F5: variants seen among roughly 807,000 people sequenced by gnomAD.
The protein encoded by F5 is coagulation factor V, also known as activated protein c cofactor.
In F5, 138 loss-of-function variants were observed where a neutral mutation model predicts 216.4. The ratio of observed to expected loss-of-function variants is 0.64; its 90% CI spans 0.56 to 0.73. The LOEUF (loss-of-function observed/expected upper bound fraction) is 0.73, where lower values mean the gene tolerates loss of function less well. F5 is among the 30% of genes least tolerant of loss of function. F5 has a pLI of 0.00. For synonymous variants in F5, 916 were observed against 930.7 expected, an observed-to-expected ratio of 0.98 and a Z score of 0.29; for missense variants, 2,403 against 2,674.0, an observed-to-expected ratio of 0.90 and a Z score of 2.24.
chr1:169,572,304 A>T lies in F5; in HGVS notation c.290T>A (p.Ile97Asn), dbSNP rs144675474. The change falls in exon 3 of 25, where the codon ATC (isoleucine) becomes AAC (asparagine). Residue 97 changes from isoleucine (I) to asparagine (N), a missense_variant. Physicochemically the swap from Ile to Asn is moderately radical, Grantham distance 149 (BLOSUM62 -3). Around this residue, in one of 4 missense-constraint regions of F5, gnomAD observed 1,425 missense variants for 1,554.8 expected, o/e 0.92. Transcript: ENST00000367797. ...GPTLYAEVGD[I>N]IKVHFKNKAD... Reference sequence around the variant, plus strand: ...CTTATTTTTAAAGTGAACTTTTATGATGTCTCCGACTTCAGCATATAAAGT... The same window carrying T: ...CTTATTTTTAAAGTGAACTTTTATGTTGTCTCCGACTTCAGCATATAAAGT... 8.7e-6 allele frequency: 14 copies of T among 1,613,170 alleles called. No homozygotes were observed. The highest frequency in any genetic ancestry group is 1.3e-5 in the African/African-American group (1 of 74,858).
In F5 at chr1:169,579,055, G is replaced by A. The variant is rs1376944935; in HGVS notation, c.250+3376C>T. On this transcript the variant is annotated intron_variant, in intron 2 of 24. Coordinates refer to ENST00000367797, the MANE Select transcript of F5 (RefSeq NM_000130.5). ...CTCCTCAGTACCCACCCCCACCCCC[G>A]AAACTACCCTGTCTCTCCTCCCATC... 1.0e-4 allele frequency among the ~76,000 whole-genome samples: 6 copies of A among 57,452 alleles called. No homozygotes were observed. The East Asian group carries it at 1.5e-3, about 14-fold the overall frequency. 37.7% of individuals were successfully genotyped at this position (57,452 alleles called of 152,430 possible).
chr1:169,546,833 A>G (rs901725472), intron 10 of F5, among the ~76,000 whole-genome samples: 10 of 152,128 alleles, frequency 6.6e-5, no homozygotes, highest in Non-Finnish European at 2.9e-5. Context: ...AAGATGGATT[A>G]AAGACTTAAA....
rs114280230 is a variant in F5 at position 169,524,495 on chromosome 1, A to G, written c.5788+342T>C. Among the ~76,000 whole-genome samples the G allele has an allele frequency of 2.0e-3, 300 of 152,324 alleles. 1 individual carries two copies. Among genetic ancestry groups the G allele is most frequent in the African/African-American group, 6.5e-3 (271 of 41,572 alleles). On this transcript the variant is annotated intron_variant, in intron 19 of 24. Transcript: ENST00000367797. Reference sequence around the variant, plus strand: ...GGGCGCGTGGTCATAAGAGTAAGGTATCTGATCCTTGCCAAATCCCTGCAG... The same window carrying G: ...GGGCGCGTGGTCATAAGAGTAAGGTGTCTGATCCTTGCCAAATCCCTGCAG...
intron 2 of F5, among the ~76,000 whole-genome samples, chr1:169,576,975 A>G (rs986779233): frequency 1.3e-5 from 2 of 152,202 alleles, no homozygotes; most frequent in Non-Finnish European, 2.9e-5. Flanking sequence ...TTAAGGCAAA[A>G]CAAAAGGATG....
chr1:169,577,097 A>G (rs1375992266), intron 2 of F5, among the ~76,000 whole-genome samples: 3 of 152,100 alleles, frequency 2.0e-5, no homozygotes, highest in Non-Finnish European at 4.4e-5. Flanking sequence ...AAACCCTTCT[A>G]ACCCTCTCCT....
At position 169,540,395 on chromosome 1, in the gene F5, G is replaced by A. The variant is rs761587875; in HGVS notation, c.4695C>T (p.Asp1565=). Residue 1565 remains aspartate (D), a synonymous_variant, in exon 13 of 25, where the codon GAC becomes GAT. Coordinates refer to ENST00000367797, the MANE Select transcript of F5 (RefSeq NM_000130.5). The part of the protein sequence containing the change: ...RTNINSSRDP[D]NIAAWYLRSN... Reference sequence around the variant, plus strand: ...TGCGGAGGTACCATGCTGCAATGTTGTCAGGATCTCTGGAGGAGTTGATGT... The same window carrying A: ...TGCGGAGGTACCATGCTGCAATGTTATCAGGATCTCTGGAGGAGTTGATGT... 6.2e-7 allele frequency: 1 copy of A among 1,614,012 alleles called. No homozygotes were observed. The highest frequency in any genetic ancestry group is 8.5e-7 in the Non-Finnish European group (1 of 1,179,944).
intron 1 of F5, among the ~76,000 whole-genome samples, chr1:169,585,235 C>A (rs955452035): frequency 1.5e-4 from 23 of 152,066 alleles, no homozygotes; most frequent in Admixed American, 1.4e-3. Context: ...GTATGTAATA[C>A]CCTCCAAAAT....
chr1:169,579,633 C>T (rs1660944379), intron 2 of F5, among the ~76,000 whole-genome samples: 1 of 152,226 alleles, frequency 6.6e-6, no homozygotes, highest in Non-Finnish European at 1.5e-5. Context: ...GCACCCTATC[C>T]ATTCTGCTGT....
At chr1:169,551,127 G>A (rs1026803728) in intron 8 of F5, among the ~76,000 whole-genome samples, 7 of 152,044 alleles carry the variant, frequency 4.6e-5, no homozygotes, top group African/African-American at 1.7e-4. Context: ...TCCCCTGCCC[G>A]GTAGATTTTT....
At chr1:169,570,552 A>C (rs542252741) in intron 3 of F5, among the ~76,000 whole-genome samples, 1 of 152,106 alleles carries the variant, frequency 6.6e-6, no homozygotes, top group Non-Finnish European at 1.5e-5. Context: ...GCCACAGTTA[A>C]TGCTTCATTG....
Position 169,529,615 on chromosome 1 carries a change from C to G in F5, c.5412G>C (p.Glu1804Asp). ...LTSSEMKKSH[E>D]FHAINGMIYS... ...AAAGTCTGAGGAAAATACCGTGAAACTCATGGGATTTTTTCATTTCTGAGG... is the reference window on the plus strand; with the variant it reads ...AAAGTCTGAGGAAAATACCGTGAAAGTCATGGGATTTTTTCATTTCTGAGG... Residue 1804 changes from glutamate (E) to aspartate (D), a missense_variant, in exon 16 of 25, where the codon GAG becomes GAC. Around this residue, in one of 4 missense-constraint regions of F5, gnomAD observed 659 missense variants for 787.9 expected, o/e 0.84. Transcript: ENST00000367797. 1 of 1,613,276 alleles carries G rather than the reference C, an allele frequency of 6.2e-7. No individual in the cohort carries two copies. The highest frequency in any genetic ancestry group is 2.2e-5 in the East Asian group (1 of 44,844).
At chr1:169,575,712 T>C (rs1452399536) in intron 2 of F5, among the ~76,000 whole-genome samples, 1 of 152,096 alleles carries the variant, frequency 6.6e-6, no homozygotes, top group Non-Finnish European at 1.5e-5. Context: ...GATGAGGTTC[T>C]GATTTGGGGA....
rs1337927588 is a variant in F5, at chr1:169,536,514, C to T, written c.4963G>A (p.Val1655Ile). 6 of 1,612,874 alleles carry T rather than the reference C, an allele frequency of 3.7e-6. No homozygotes were observed. The highest frequency in any genetic ancestry group is 5.1e-6 in the Non-Finnish European group (6 of 1,179,170). The part of the protein sequence containing the change: ...GPIIRAEVDD[V>I]IQVRFKNLAS... ...GTGCTCAAAAGACTTACTTGGATAA[C>T]ATCATCCACTTCAGCTCTGATAATA... Residue 1655 changes from valine to isoleucine, a missense_variant, in exon 14 of 25, where the codon GTT becomes ATT. Val to Ile is a conservative substitution (Grantham distance 29, BLOSUM62 3). This residue lies in a region of F5 where 659 missense variants were observed against 787.9 expected (regional missense o/e 0.84). Transcript: ENST00000367797.
chr1:169,578,507 C>T (rs777427354), intron 2 of F5, among the ~76,000 whole-genome samples: 42 of 152,212 alleles, frequency 2.8e-4, no homozygotes, highest in Non-Finnish European at 4.3e-4. Flanking sequence ...CACAATGTCT[C>T]ACACAGCAAA....
chr1:169,569,506 A>T (rs1444664203), intron 3 of F5, among the ~76,000 whole-genome samples: 1 of 152,102 alleles, frequency 6.6e-6, no homozygotes, highest in Non-Finnish European at 1.5e-5. Flanking sequence ...ACTGAACAAC[A>T]AACTTTGCTC....
chr1:169,524,764 T>G, intron 19 of F5, 73 bp downstream of exon 19: 1 of 1,217,300 alleles, frequency 8.2e-7, no homozygotes, highest in Non-Finnish European at 1.2e-6. Flanking sequence ...AGGATTGTCA[T>G]GTATGGTTTC....
chr1:169,578,419 CA>C (rs1473197671), intron 2 of F5, among the ~76,000 whole-genome samples: 1 of 152,176 alleles, frequency 6.6e-6, no homozygotes, highest in Non-Finnish European at 1.5e-5. Flanking sequence ...CCCTTTTCTT[CA>C]AAAGCTATCC....
intron 2 of F5, 71 bp from the exon 3 acceptor site, chr1:169,572,414 A>T (rs972293992): frequency 1.9e-6 from 3 of 1,568,958 alleles, no homozygotes; most frequent in Non-Finnish European, 8.7e-7. Flanking sequence ...AGCAAGAAAA[A>T]CAAACAGATG....
In F5 at chr1:169,514,141, T is replaced by C. The variant is rs1296643495; in HGVS notation, c.*172A>G. On this transcript the variant is annotated 3_prime_UTR_variant, in exon 25 of 25. Transcript: ENST00000367797. ...TAATAGCCATTATCTTACTTACTGGTAGCAAGGAGTTACATTATAAAAGCT... is the reference window on the plus strand; with the variant it reads ...TAATAGCCATTATCTTACTTACTGGCAGCAAGGAGTTACATTATAAAAGCT... 6.3e-6 allele frequency: 4 copies of C among 635,400 alleles called. No individual in the cohort carries two copies. The highest frequency in any genetic ancestry group is 8.2e-6 in the Non-Finnish European group (3 of 366,272). The allele number at this position is 635,400 out of a possible 1,614,324, so 39.4% of individuals were successfully genotyped here.
Sources: gnomAD v4.1 joint callset for allele counts (sites outside exome capture counted in the v4.1 genomes callset) on GRCh38, gnomAD v4.1.1 for gene constraint, gnomAD v4.1.1 regional missense constraint, MANE v1.5 for transcripts, NCBI Gene and HGNC (gene_info 2026-07-23, HGNC 2026-07-21) for gene names.